The following ANKS1B variants were observed in gnomAD, a reference collection of about 807,000 sequenced individuals.
ANKS1B encodes the protein ankyrin repeat and sterile alpha motif domain containing 1B.
ANKS1B carries 36 observed loss-of-function variants against 148.3 expected under a neutral mutation model. The ratio of observed to expected loss-of-function variants is 0.24; its 90% CI spans 0.19 to 0.32. The LOEUF is 0.32. ANKS1B is among the 10% of genes least tolerant of loss of function. The probability of loss-of-function intolerance (pLI) is 1.00; values close to 1 mark genes in which losing one functional copy is unlikely to be tolerated. For missense variants in ANKS1B, 1,157 were observed against 1,542.6 expected, an observed-to-expected ratio of 0.75 and a Z score of 4.19; for synonymous variants, 542 against 560.8, an observed-to-expected ratio of 0.97 and a Z score of 0.47.
chr12:98,823,364 C>T (rs1444864532), intron 19 of ANKS1B, among the ~76,000 whole-genome samples: 1 of 152,222 alleles, frequency 6.6e-6, no homozygotes, highest in African/African-American at 2.4e-5. Context: ...CATGGACAAG[C>T]TGAGCCTTTC....
chr12:99,572,068 A>G (rs1348630857), intron 9 of ANKS1B, among the ~76,000 whole-genome samples: 1 of 152,128 alleles, frequency 6.6e-6, no homozygotes, highest in Non-Finnish European at 1.5e-5. Context: ...CAGGAAAATT[A>G]GGATCTAGTA....
At chr12:99,920,922 C>G (rs1003056496) in intron 1 of ANKS1B, among the ~76,000 whole-genome samples, 1 of 152,178 alleles carries the variant, frequency 6.6e-6, no homozygotes, top group South Asian at 2.1e-4. Context: ...CAGAAACACA[C>G]TCAACAGACA....
intron 12 of ANKS1B, among the ~76,000 whole-genome samples, chr12:99,325,987 T>C (rs1439273315): frequency 1.3e-5 from 2 of 152,056 alleles, no homozygotes; most frequent in Non-Finnish European, 2.9e-5. Context: ...GCAAAGCACC[T>C]TCTTCACAAG....
chr12:99,298,601 C>T (rs1189766962), intron 12 of ANKS1B, among the ~76,000 whole-genome samples: 3 of 152,104 alleles, frequency 2.0e-5, no homozygotes, highest in Admixed American at 6.6e-5. Context: ...ATATGCATGT[C>T]CTTACTTTAT....
chr12:99,007,189 C>G (rs79316909), intron 17 of ANKS1B, among the ~76,000 whole-genome samples: 3,056 of 152,266 alleles, frequency 0.02, 109 homozygotes, highest in African/African-American at 0.07. Flanking sequence ...TGCCTACCCA[C>G]CAGCTATTTT....
At chr12:98,914,291 G>A (rs1460345135) in intron 17 of ANKS1B, among the ~76,000 whole-genome samples, 3 of 152,116 alleles carry the variant, frequency 2.0e-5, no homozygotes, top group African/African-American at 4.8e-5. Context: ...GAGGCCTCAG[G>A]AGAAGCACAT....
intron 17 of ANKS1B, among the ~76,000 whole-genome samples, chr12:98,911,587 C>T (rs1288715125): frequency 6.6e-6 from 1 of 152,206 alleles, no homozygotes; most frequent in Non-Finnish European, 1.5e-5. Flanking sequence ...GCAGATGATT[C>T]AGTGTCAGTG....
chr12:98,777,345 T>C (rs1205891027), intron 24 of ANKS1B, among the ~76,000 whole-genome samples: 1 of 152,036 alleles, frequency 6.6e-6, no homozygotes, highest in Non-Finnish European at 1.5e-5. Flanking sequence ...AAAACAACAA[T>C]GAAAGCAAAA....
chr12:98,742,746 G>C (rs1356803518), downstream of ANKS1B, among the ~76,000 whole-genome samples: 3 of 152,266 alleles, frequency 2.0e-5, no homozygotes, highest in Non-Finnish European at 2.9e-5. Flanking sequence ...TTTGGAACCG[G>C]TTTCTGTGGG....
At chr12:98,740,490 T>A (rs2097792908), downstream of ANKS1B, among the ~76,000 whole-genome samples, 1 of 152,240 alleles carries the variant, frequency 6.6e-6, no homozygotes, top group Non-Finnish European at 1.5e-5. Flanking sequence ...GTGGGGATCT[T>A]TCCTGCTCAG....
intron 22 of ANKS1B, among the ~76,000 whole-genome samples, chr12:98,788,749 C>T (rs1404194004): frequency 6.6e-6 from 1 of 152,176 alleles, no homozygotes; most frequent in African/African-American, 2.4e-5. Context: ...AAAATGCGGT[C>T]GATCAGTTTG....
At chr12:98,884,355 A>G (rs2099730289) in intron 17 of ANKS1B, among the ~76,000 whole-genome samples, 1 of 152,234 alleles carries the variant, frequency 6.6e-6, no homozygotes, top group African/African-American at 2.4e-5. Context: ...GATTTCAGAC[A>G]TTTGTTGGAT....
chr12:99,138,623 T>C (rs1424915017), intron 15 of ANKS1B, among the ~76,000 whole-genome samples: 1 of 152,212 alleles, frequency 6.6e-6, no homozygotes, highest in African/African-American at 2.4e-5. Context: ...GCATGTATAG[T>C]GTCTGAAGCA....
intron 8 of ANKS1B, among the ~76,000 whole-genome samples, chr12:99,703,965 A>G (rs996114747): frequency 3.9e-5 from 6 of 152,102 alleles, no homozygotes; most frequent in African/African-American, 1.4e-4. Context: ...ATATTTGTTA[A>G]CATTTAAATT....
intron 1 of ANKS1B, among the ~76,000 whole-genome samples, chr12:99,883,621 G>GT (rs1565922683): frequency 2.7e-5 from 4 of 150,304 alleles, no homozygotes; most frequent in African/African-American, 7.3e-5. Context: ...TGGGGCAGGG[G>GT]GGAATCTGCA....
chr12:99,459,761 T>A (rs1341490474), intron 10 of ANKS1B, among the ~76,000 whole-genome samples: 1 of 151,738 alleles, frequency 6.6e-6, no homozygotes, highest in South Asian at 2.1e-4. Flanking sequence ...TAGATTGACA[T>A]AAACAAATAG....
intron 1 of ANKS1B, among the ~76,000 whole-genome samples, chr12:99,894,318 AG>A (rs1565945162): frequency 2.2e-5 from 1 of 44,768 alleles, no homozygotes; most frequent in Non-Finnish European, 4.2e-5. Context: ...GGAGGGAGGG[AG>A]GGAGGGAGGG....
At position 99,163,467 on chromosome 12, in the gene ANKS1B, CTGTGTG is replaced by C. The variant is rs146637164; in HGVS notation, c.2420-9078_2420-9073del. On this transcript the variant is annotated intron_variant, in intron 14 of 26. Coordinates refer to ENST00000683438, the MANE Select transcript of ANKS1B (RefSeq NM_001352186.2). ...ATATGTCCTGTGTTTTACATGCACT[CTGTGTG>C]TGTGTGTGTGTGTGTGTGTGTGTGT... Among the ~76,000 whole-genome samples, 216 of 135,108 alleles carry C rather than the reference CTGTGTG, an allele frequency of 1.6e-3. 1 individual carries two copies. Among genetic ancestry groups the C allele is most frequent in the Admixed American group, 9.9e-3 (134 of 13,516 alleles). The allele number at this position is 135,108 out of a possible 152,430, so 88.6% of individuals were successfully genotyped here.
At chr12:99,859,675 C>A (rs1476816863) in intron 1 of ANKS1B, among the ~76,000 whole-genome samples, 2 of 150,908 alleles carry the variant, frequency 1.3e-5, no homozygotes, top group Non-Finnish European at 2.9e-5. Flanking sequence ...GAGACAGAGT[C>A]TTGCTCTGTC....
Sources: allele counts gnomAD v4.1 joint callset (sites outside exome capture counted in the v4.1 genomes callset), GRCh38; gene constraint gnomAD v4.1.1; transcripts MANE v1.5; gene names NCBI Gene and HGNC (gene_info 2026-07-23, HGNC 2026-07-21).